Variants in EVL observed in about 807,000 individuals in gnomAD.
The protein encoded by EVL is ena/VASP-like protein.
In EVL, 21 loss-of-function variants were observed where a neutral mutation model predicts 59.6. That is an observed-to-expected ratio of 0.35 (90% confidence interval 0.25 to 0.51). EVL has a LOEUF of 0.51. Ranked by LOEUF, EVL falls within the 20% of genes least tolerant of loss-of-function variation. EVL has a pLI of 0.97. For synonymous variants in EVL, 198 were observed against 203.5 expected, an observed-to-expected ratio of 0.97 and a Z score of 0.23; for missense variants, 462 against 546.6, an observed-to-expected ratio of 0.85 and a Z score of 1.54.
chr14:100,103,526 A>G (rs1267631032), intron 3 of EVL, among the ~76,000 whole-genome samples: 1 of 151,694 alleles, frequency 6.6e-6, no homozygotes, highest in Admixed American at 6.6e-5. Context: ...GCCTCTCTTT[A>G]TCCATTTCCT....
chr14:100,125,149 CA>C lies in EVL; in HGVS notation c.422+1548del, dbSNP rs1401518485. Among the ~76,000 whole-genome samples the C allele has an allele frequency of 4.0e-3, 567 of 142,448 alleles. 14 individuals are homozygous for C. Among genetic ancestry groups the C allele is most frequent in the African/African-American group, 0.014 (507 of 35,536 alleles). 93.5% of individuals were successfully genotyped at this position (142,448 alleles called of 152,430 possible). A position where few individuals can be genotyped will look rare whatever the true frequency, so the allele number is the denominator to read the frequency against. On this transcript the variant is annotated intron_variant, in intron 4 of 13. Transcript: ENST00000392920. ...ACACACACACACACACACACACACA[CA>C]CCTGCCCCAAGGCAGGAATACACAC...
At chr14:99,979,268 T>C (rs1176143902) in intron 1 of EVL, among the ~76,000 whole-genome samples, 2 of 152,018 alleles carry the variant, frequency 1.3e-5, no homozygotes, top group Non-Finnish European at 2.9e-5. Context: ...CACCCACATA[T>C]ACACAATATG....
At chr14:100,038,062 G>C (rs190989830) in intron 1 of EVL, among the ~76,000 whole-genome samples, 1 of 152,182 alleles carries the variant, frequency 6.6e-6, no homozygotes, top group African/African-American at 2.4e-5. Flanking sequence ...TTCCCATTCT[G>C]CTGCTTTTCA....
chr14:100,074,632 ACT>A (rs1393696843), intron 1 of EVL: 3 of 152,602 alleles, frequency 2.0e-5, no homozygotes, highest in Non-Finnish European at 4.4e-5. Context: ...GCTGGCCTTA[ACT>A]CTCTGTACCC....
intron 1 of EVL, among the ~76,000 whole-genome samples, chr14:100,083,472 A>G (rs73347892): frequency 0.014 from 2,141 of 152,062 alleles, 53 homozygotes; most frequent in African/African-American, 0.049. Context: ...ATAAACGAGT[A>G]TTGCTTTTTT....
chr14:100,045,425 C>A (rs764718525), intron 1 of EVL, among the ~76,000 whole-genome samples: 2 of 152,162 alleles, frequency 1.3e-5, no homozygotes, highest in Non-Finnish European at 2.9e-5. Flanking sequence ...ACTTCCTATC[C>A]GTGGTGTTTA....
intron 12 of EVL, 60 bp from the exon 13 acceptor site, chr14:100,141,676 C>T: frequency 6.4e-7 from 1 of 1,570,020 alleles, no homozygotes; most frequent in Non-Finnish European, 8.7e-7. Context: ...TGGCCCAGCC[C>T]AGGCCGGCTT....
intron 1 of EVL, among the ~76,000 whole-genome samples, chr14:100,028,357 C>T (rs2061254901): frequency 6.6e-6 from 1 of 151,792 alleles, no homozygotes; most frequent in African/African-American, 2.4e-5. Context: ...TTTCACATAC[C>T]TCTTGGCCAT....
At chr14:100,029,755 A>G (rs1190986) in intron 1 of EVL, among the ~76,000 whole-genome samples, 58,236 of 151,946 alleles carry the variant, frequency 0.38, 14,619 homozygotes, top group African/African-American at 0.72. Context: ...AGGTATAGGA[A>G]CAGGGGGACA....
At chr14:100,100,017 A>C (rs1049041799) in intron 3 of EVL, among the ~76,000 whole-genome samples, 1 of 151,864 alleles carries the variant, frequency 6.6e-6, no homozygotes, top group Non-Finnish European at 1.5e-5. Context: ...AAAAAAAAAA[A>C]AAAACACTTT....
At chr14:100,094,607 G>T (rs1451104285) in intron 2 of EVL, among the ~76,000 whole-genome samples, 1 of 152,094 alleles carries the variant, frequency 6.6e-6, no homozygotes, top group Non-Finnish European at 1.5e-5. Flanking sequence ...GATGGGGCAT[G>T]GTGGCATGTA....
At chr14:100,102,481 G>C in intron 3 of EVL, 1 of 421,472 alleles carries the variant, frequency 2.4e-6, no homozygotes, top group Non-Finnish European at 4.8e-6. Context: ...ATTCGTGTTT[G>C]TCATTCCTTG....
intron 3 of EVL, among the ~76,000 whole-genome samples, chr14:100,099,892 C>T (rs1234384853): frequency 6.8e-6 from 1 of 147,826 alleles, no homozygotes; most frequent in African/African-American, 2.5e-5. Flanking sequence ...TTTACTTGTA[C>T]ATGCAGATAC....
intron 1 of EVL, among the ~76,000 whole-genome samples, chr14:100,084,423 G>A (rs984250252): frequency 6.6e-6 from 1 of 152,134 alleles, no homozygotes; most frequent in Non-Finnish European, 1.5e-5. Flanking sequence ...TCTTATTCAA[G>A]CAACTTCTCC....
intron 1 of EVL, among the ~76,000 whole-genome samples, chr14:100,080,426 C>CAG (rs2062271740): frequency 6.6e-6 from 1 of 152,192 alleles, no homozygotes. Flanking sequence ...GGCTCATGGA[C>CAG]AGAGCTCAGC....
rs998452941 is a variant in EVL at position 100,096,665 on chromosome 14, G to A, written c.181-816G>A. Among the ~76,000 whole-genome samples the A allele has an allele frequency of 4.6e-5, 7 of 152,200 alleles. No individual in the cohort carries two copies. The East Asian group carries it at 5.8e-4, about 13-fold the overall frequency. The stretch of plus-strand genomic sequence containing the variant: ...CCCAGCATCTTTTCCTCCAGGGCAC[G>A]ACTTAGGAATATAGTCTTAAAGTAC... On this transcript the variant is annotated intron_variant, in intron 2 of 13. Coordinates refer to ENST00000392920, the MANE Select transcript of EVL (RefSeq NM_016337.3).
At chr14:100,044,935 A>G (rs2061525428) in intron 1 of EVL, among the ~76,000 whole-genome samples, 1 of 152,206 alleles carries the variant, frequency 6.6e-6, no homozygotes, top group African/African-American at 2.4e-5. Flanking sequence ...GTACTCCAGC[A>G]TGGATGACAG....
At chr14:100,014,802 T>C (rs2061038901) in intron 1 of EVL, among the ~76,000 whole-genome samples, 1 of 152,168 alleles carries the variant, frequency 6.6e-6, no homozygotes, top group Admixed American at 6.5e-5. Flanking sequence ...ATTAGGGTTG[T>C]AGAAGTGAAA....
At chr14:100,141,394 G>T (rs1008135219) in intron 12 of EVL, 148 bp downstream of exon 12, 6 of 803,608 alleles carry the variant, frequency 7.5e-6, no homozygotes, top group African/African-American at 1.7e-5. Context: ...CAGAAAGGGG[G>T]TGCCCAAGCC....
Sources: allele counts gnomAD v4.1 joint callset (sites outside exome capture counted in the v4.1 genomes callset), GRCh38; gene constraint gnomAD v4.1.1; transcripts MANE v1.5; gene names NCBI Gene and HGNC (gene_info 2026-07-23, HGNC 2026-07-21).